Variants in MEIS2 observed in about 807,000 individuals in gnomAD.
MEIS2 encodes the protein Meis homeobox 2, also known as homeobox protein Meis2.
In MEIS2, 9 loss-of-function variants were observed where a neutral mutation model predicts 58.6. The observed-to-expected ratio is 0.15, with a 90% CI of 0.09 to 0.27. MEIS2 has a LOEUF of 0.27. MEIS2 is among the 10% of genes least tolerant of loss of function. MEIS2 has a pLI of 1.00. For missense variants in MEIS2, 427 were observed against 635.0 expected, an observed-to-expected ratio of 0.67 and a Z score of 3.52; for synonymous variants, 221 against 228.4, an observed-to-expected ratio of 0.97 and a Z score of 0.29.
chr15:37,052,962 T>C (rs1382423132), intron 7 of MEIS2, among the ~76,000 whole-genome samples: 1 of 152,166 alleles, frequency 6.6e-6, no homozygotes, highest in African/African-American at 2.4e-5. Context: ...TGCCAAGACA[T>C]ATCCCCATTC....
intron 8 of MEIS2, among the ~76,000 whole-genome samples, chr15:37,033,947 A>G (rs1186630021): frequency 2.6e-5 from 4 of 152,192 alleles, no homozygotes; most frequent in Non-Finnish European, 5.9e-5. Flanking sequence ...AACATTTTCA[A>G]AGAGCAAGCA....
intron 7 of MEIS2, among the ~76,000 whole-genome samples, chr15:37,071,512 T>C (rs1395141682): frequency 6.6e-6 from 1 of 152,150 alleles, no homozygotes; most frequent in Non-Finnish European, 1.5e-5. Flanking sequence ...ATCATGATGT[T>C]TGTTGCATGG....
At position 36,995,029 on chromosome 15, in the gene MEIS2, G is replaced by A. The variant is rs189618715; in HGVS notation, c.900+41785C>T. 2.4e-4 allele frequency among the ~76,000 whole-genome samples: 36 copies of A among 152,192 alleles called. No individual in the cohort carries two copies. In the East Asian group the frequency reaches 3.5e-3, roughly 15 times the overall value. ...ATGCATTATCTCGCCTTTTCCCTGG[G>A]GCACAAACTTCACTCGTCCATACTT... is the stretch of plus-strand genomic sequence containing the variant. On this transcript the variant is annotated intron_variant, in intron 8 of 11. Transcript: ENST00000561208.
At chr15:37,079,771 G>A (rs915242205) in intron 7 of MEIS2, among the ~76,000 whole-genome samples, 3 of 152,156 alleles carry the variant, frequency 2.0e-5, no homozygotes, top group African/African-American at 7.2e-5. Flanking sequence ...ACAGAGGGAC[G>A]TGGTAGGTGG....
chr15:37,015,123 G>A (rs78514221), intron 8 of MEIS2, among the ~76,000 whole-genome samples: 5,356 of 152,322 alleles, frequency 0.035, 305 homozygotes, highest in African/African-American at 0.12. Context: ...GTCGGAGGCA[G>A]TATCAGCTTC....
chr15:37,036,216 A>G (rs74008834), intron 8 of MEIS2, among the ~76,000 whole-genome samples: 42 of 152,320 alleles, frequency 2.8e-4, no homozygotes, highest in African/African-American at 9.4e-4. Flanking sequence ...TTTTAAGATA[A>G]TGGACTTGAG....
chr15:37,007,467 T>C (rs73393535), intron 8 of MEIS2, among the ~76,000 whole-genome samples: 2,045 of 152,320 alleles, frequency 0.013, 37 homozygotes, highest in African/African-American at 0.044. Flanking sequence ...GTTACAACTA[T>C]GCAGAAACCC....
At chr15:36,949,004 C>T (rs969922964) in intron 9 of MEIS2, among the ~76,000 whole-genome samples, 1 of 151,874 alleles carries the variant, frequency 6.6e-6, no homozygotes, top group African/African-American at 2.4e-5. Context: ...CATTAATCAC[C>T]CTGACAGAAG....
chr15:37,040,047 G>GT (rs11393172), intron 7 of MEIS2, among the ~76,000 whole-genome samples: 59,024 of 144,960 alleles, frequency 0.41, 11,899 homozygotes, highest in South Asian at 0.54. Context: ...GGATATTGGT[G>GT]TTTTTTTTTT....
At position 37,030,264 on chromosome 15, in the gene MEIS2, T is replaced by C. The variant is rs78482277; in HGVS notation, c.900+6550A>G. Among the ~76,000 whole-genome samples the C allele has an allele frequency of 6.4e-3, 979 of 152,310 alleles. 9 individuals are homozygous for C. The highest frequency in any genetic ancestry group is 0.041 in the South Asian group (197 of 4,828). On this transcript the variant is annotated intron_variant, in intron 8 of 11. Transcript: ENST00000561208. The stretch of plus-strand genomic sequence containing the variant: ...CTTTCATGACACCAGGACTCTCTAA[T>C]GCTATCACCTAGCTTCAACAAGCAG...
chr15:36,965,634 G>T (rs1170297661), intron 8 of MEIS2, among the ~76,000 whole-genome samples: 2 of 152,052 alleles, frequency 1.3e-5, no homozygotes, highest in Non-Finnish European at 2.9e-5. Context: ...ATATTTATAT[G>T]TCTCCCACCA....
chr15:37,099,692 C>A lies in MEIS2; in HGVS notation c.-226G>T. ...TCTTTTTCTCTTTTTTCCTCTTCTT[C>A]CTCCTCCTCCTGATCTTCCTCCTCC... On this transcript the variant is annotated 5_prime_UTR_variant, in exon 1 of 12. Transcript: ENST00000561208. 1 of 509,576 alleles carries A rather than the reference C, an allele frequency of 2.0e-6. No individual in the cohort carries two copies. The highest frequency in any genetic ancestry group is 3.1e-5 in the South Asian group (1 of 32,670). The allele number at this position is 509,576 out of a possible 1,614,324, so 31.6% of individuals were successfully genotyped here.
At chr15:36,938,815 C>T (rs2058270424) in intron 9 of MEIS2, among the ~76,000 whole-genome samples, 1 of 152,144 alleles carries the variant, frequency 6.6e-6, no homozygotes, top group African/African-American at 2.4e-5. Context: ...CTGAGAAAGG[C>T]TAAACTGACC....
chr15:36,899,926 A>G (rs1339318714), intron 9 of MEIS2, among the ~76,000 whole-genome samples: 1 of 152,230 alleles, frequency 6.6e-6, no homozygotes, highest in Non-Finnish European at 1.5e-5. Flanking sequence ...CAAACCCAAA[A>G]CATTTGAAAA....
At chr15:36,989,992 T>G (rs1358461401) in intron 8 of MEIS2, among the ~76,000 whole-genome samples, 2 of 152,180 alleles carry the variant, frequency 1.3e-5, no homozygotes, top group Admixed American at 1.3e-4. Context: ...TCGCCCAGGC[T>G]GGAGTGCAGT....
chr15:36,968,635 G>A (rs2059432265), intron 8 of MEIS2, among the ~76,000 whole-genome samples: 1 of 152,222 alleles, frequency 6.6e-6, no homozygotes, highest in South Asian at 2.1e-4. Flanking sequence ...TCCTTGATAT[G>A]ACTGGATTTC....
chr15:36,926,180 A>C (rs2057740248), intron 9 of MEIS2, among the ~76,000 whole-genome samples: 1 of 149,528 alleles, frequency 6.7e-6, no homozygotes. Context: ...TTGAAAGGTC[A>C]CTCTGTCCCT....
intron 9 of MEIS2, among the ~76,000 whole-genome samples, chr15:36,925,370 G>A (rs1381421002): frequency 6.6e-6 from 1 of 152,194 alleles, no homozygotes; most frequent in East Asian, 1.9e-4. Context: ...GGCGCACCCT[G>A]TGAATCAAGA....
rs571571876 is a variant in MEIS2, at chr15:36,975,418, T to A, written c.901-25018A>T. Among the ~76,000 whole-genome samples the A allele has an allele frequency of 2.0e-5, 3 of 152,088 alleles. No individual in the cohort carries two copies. In the Middle Eastern group the frequency reaches 0.01, roughly 521 times the overall value. Reference sequence around the variant, plus strand: ...CAGTTTTCTTTAAATTTATTCATAGTAGAATCATGAAACTTCTTAAGGCCA... The same window carrying A: ...CAGTTTTCTTTAAATTTATTCATAGAAGAATCATGAAACTTCTTAAGGCCA... On this transcript the variant is annotated intron_variant, in intron 8 of 11. Transcript: ENST00000561208.
Sources: allele counts gnomAD v4.1 joint callset (sites outside exome capture counted in the v4.1 genomes callset), GRCh38; gene constraint gnomAD v4.1.1; transcripts MANE v1.5; gene names NCBI Gene and HGNC (gene_info 2026-07-23, HGNC 2026-07-21).